Variants in KCNG2 observed in about 807,000 individuals in gnomAD.
The protein encoded by KCNG2 is potassium voltage-gated channel modifier subfamily G member 2.
KCNG2 carries 7 observed loss-of-function variants against 12.3 expected under a neutral mutation model. That is an observed-to-expected ratio of 0.57 (90% CI 0.32 to 1.07). The LOEUF (loss-of-function observed/expected upper bound fraction) is 1.07. Ranked by LOEUF, KCNG2 falls within the 50% of genes least tolerant of loss-of-function variation. The pLI is 0.04. For missense variants in KCNG2, 703 were observed against 726.0 expected (o/e 0.97, Z 0.36); for synonymous variants, 414 against 351.4 (o/e 1.18, Z -1.99).
At position 79,861,668 on chromosome 18, in the gene KCNG2, T is replaced by G. The variant is rs182567799; in HGVS notation, c.-40-1960T>G. 1.0e-3 allele frequency among the ~76,000 whole-genome samples: 159 copies of G among 152,016 alleles called. 1 individual carries two copies. The highest frequency in any genetic ancestry group is 3.6e-3 in the African/African-American group (151 of 41,420). On this transcript the variant is annotated intron_variant, in intron 2 of 3. Transcript: ENST00000316249. ...TGTTGAGTTTCTTAGATGTGTAGATTAATGTTTTTCATCGAATTTGGAGGG... is the reference window on the plus strand; with the variant it reads ...TGTTGAGTTTCTTAGATGTGTAGATGAATGTTTTTCATCGAATTTGGAGGG...
At chr18:79,867,482 G>A (rs1384343942) in intron 3 of KCNG2, among the ~76,000 whole-genome samples, 1 of 68,958 alleles carries the variant, frequency 1.5e-5, no homozygotes, top group Non-Finnish European at 3.6e-5. Flanking sequence ...CCGGCGTTGT[G>A]TCGTGTCTGG....
At chr18:79,827,763 C>T (rs1216587227) in intron 1 of KCNG2, among the ~76,000 whole-genome samples, 2 of 152,208 alleles carry the variant, frequency 1.3e-5, no homozygotes, top group Non-Finnish European at 2.9e-5. Context: ...GGACCCAAGT[C>T]TCTCCATGTG....
chr18:79,880,448 T>C (rs138979058), intron 3 of KCNG2, among the ~76,000 whole-genome samples: 119 of 152,150 alleles, frequency 7.8e-4, no homozygotes, highest in African/African-American at 2.7e-3. Flanking sequence ...TTAAAAAAAT[T>C]AAATTCATAG....
In KCNG2 at chr18:79,851,327, C is replaced by T. The variant is rs574122968; in HGVS notation, c.-114-5052C>T. On this transcript the variant is annotated intron_variant, in intron 1 of 3. Coordinates refer to ENST00000316249, the MANE Select transcript of KCNG2 (RefSeq NM_012283.2). Reference sequence around the variant, plus strand: ...AAGATATCGGGATATCAGGACACTCCTAAGTCTGGGTCTGTTTAGTAAACG... The same window carrying T: ...AAGATATCGGGATATCAGGACACTCTTAAGTCTGGGTCTGTTTAGTAAACG... Among the ~76,000 whole-genome samples the T allele has an allele frequency of 2.6e-5, 4 of 152,262 alleles. No homozygotes were observed. The East Asian group carries it at 7.7e-4, about 29-fold the overall frequency.
intron 3 of KCNG2, among the ~76,000 whole-genome samples, chr18:79,888,335 C>G (rs961510640): frequency 3.3e-5 from 5 of 151,528 alleles, no homozygotes; most frequent in African/African-American, 1.2e-4. Flanking sequence ...GGGGCTGGGT[C>G]GGCCCTGAGG....
Position 79,803,620 on chromosome 18 carries a change from G to C in KCNG2, c.-115+5606G>C, listed in dbSNP as rs933467556. ...TCCCTGAGAACCTGCAGGGCTGGCC[G>C]TGATTCTCACCACTTGTGGTCCAAG... On this transcript the variant is annotated intron_variant, in intron 1 of 3. Transcript: ENST00000316249. This position sits in a 1 kb window ranked among gnomAD's most constrained non-coding sequence, Gnocchi z 4.5. 1.3e-5 allele frequency among the ~76,000 whole-genome samples: 2 copies of C among 152,178 alleles called. No homozygotes were observed. Among genetic ancestry groups the C allele is most frequent in the Admixed American group, 1.3e-4 (2 of 15,286 alleles).
At chr18:79,869,848 A>C (rs1427039065) in intron 3 of KCNG2, among the ~76,000 whole-genome samples, 3 of 152,190 alleles carry the variant, frequency 2.0e-5, no homozygotes, top group Admixed American at 2.0e-4. Flanking sequence ...AGAGGTCACC[A>C]GTGGTCACGA....
chr18:79,870,824 G>A (rs1370753242), intron 3 of KCNG2, among the ~76,000 whole-genome samples: 3 of 152,190 alleles, frequency 2.0e-5, no homozygotes, highest in Non-Finnish European at 4.4e-5. Context: ...TCTGCACGTG[G>A]GCAGACGTCA....
intron 3 of KCNG2, among the ~76,000 whole-genome samples, chr18:79,887,352 T>C (rs1463988629): frequency 6.6e-6 from 1 of 152,030 alleles, no homozygotes; most frequent in Non-Finnish European, 1.5e-5. Context: ...CGGGACTGTT[T>C]CCAGGACACA....
chr18:79,840,126 G>C (rs1407728321), intron 1 of KCNG2, among the ~76,000 whole-genome samples: 1 of 152,168 alleles, frequency 6.6e-6, no homozygotes, highest in South Asian at 2.1e-4. Flanking sequence ...ACTGCAGTGG[G>C]TAATAAAATG....
rs147153358 is a variant in KCNG2, at chr18:79,897,575, G to T, written c.625-1465G>T. ...GGTCACTCTCACAGCAGTTTTTGTT[G>T]CTTTCTTCCTAATGTATGAGTCATA... is the stretch of plus-strand genomic sequence containing the variant. On this transcript the variant is annotated intron_variant, in intron 3 of 3. Coordinates refer to ENST00000316249, the MANE Select transcript of KCNG2 (RefSeq NM_012283.2). Among the ~76,000 whole-genome samples the T allele has an allele frequency of 1.5e-3, 233 of 152,196 alleles. 1 individual carries two copies. Among genetic ancestry groups the T allele is most frequent in the African/African-American group, 5.2e-3 (217 of 41,536 alleles).
rs182290205 is a variant in KCNG2 at position 79,800,786 on chromosome 18, T to C, written c.-115+2772T>C. Reference sequence around the variant, plus strand: ...CCGCAGGCTCTGCTCACCCACCGGCTGGTTTGTAGGGACAGGTCTGCTTGG... The same window carrying C: ...CCGCAGGCTCTGCTCACCCACCGGCCGGTTTGTAGGGACAGGTCTGCTTGG... On this transcript the variant is annotated intron_variant, in intron 1 of 3. Coordinates refer to ENST00000316249, the MANE Select transcript of KCNG2 (RefSeq NM_012283.2). This position sits in a 1 kb window ranked among gnomAD's most constrained non-coding sequence, Gnocchi z 4.0. Among the ~76,000 whole-genome samples, 5 of 152,276 alleles carry C rather than the reference T, an allele frequency of 3.3e-5. No individual in the cohort carries two copies. In the East Asian group the frequency reaches 9.7e-4, roughly 29 times the overall value.
At chr18:79,880,027 C>T (rs970529474) in intron 3 of KCNG2, among the ~76,000 whole-genome samples, 5 of 152,126 alleles carry the variant, frequency 3.3e-5, no homozygotes, top group African/African-American at 1.2e-4. Context: ...TGAGCATGTT[C>T]ACATTTTCTT....
At chr18:79,807,606 G>A (rs969539397) in intron 1 of KCNG2, among the ~76,000 whole-genome samples, 4 of 152,118 alleles carry the variant, frequency 2.6e-5, no homozygotes, top group Non-Finnish European at 4.4e-5. Flanking sequence ...ATGCTCTCAC[G>A]CCTGGGCCAG....
Position 79,845,597 on chromosome 18 carries a change from G to A in KCNG2, c.-114-10782G>A, listed in dbSNP as rs182991019. ...TATGTGTATTATAGACTTGGAGATTGTGTCCCATAAATCATAATTGAAAAA... is the reference window on the plus strand; with the variant it reads ...TATGTGTATTATAGACTTGGAGATTATGTCCCATAAATCATAATTGAAAAA... On this transcript the variant is annotated intron_variant, in intron 1 of 3. Coordinates refer to ENST00000316249, the MANE Select transcript of KCNG2 (RefSeq NM_012283.2). Among the ~76,000 whole-genome samples the A allele has an allele frequency of 7.9e-5, 12 of 152,304 alleles. No individual in the cohort carries two copies. The South Asian group carries it at 1.5e-3, about 18-fold the overall frequency.
chr18:79,894,413 A>G (rs62103243), intron 3 of KCNG2, among the ~76,000 whole-genome samples: 3 of 118,526 alleles, frequency 2.5e-5, no homozygotes, highest in Admixed American at 8.5e-5. Flanking sequence ...TGTTCATGCC[A>G]TTAATTACGA....
intron 1 of KCNG2, among the ~76,000 whole-genome samples, chr18:79,837,804 C>G (rs1978348586): frequency 6.6e-6 from 1 of 152,208 alleles, no homozygotes; most frequent in Non-Finnish European, 1.5e-5. Context: ...AACCTCTGCC[C>G]TTTACCCAGT....
At chr18:79,815,560 GTCAGTGAAGGAACCACCGC>G (rs1166309809) in intron 1 of KCNG2, among the ~76,000 whole-genome samples, 3 of 152,136 alleles carry the variant, frequency 2.0e-5, no homozygotes, top group East Asian at 3.8e-4. Context: ...GATTCCTGAG[GTCAGTGAAGGAACCACCGC>G]TCAGCAAAGA....
intron 3 of KCNG2, among the ~76,000 whole-genome samples, chr18:79,865,527 C>G (rs1599406584): frequency 3.3e-5 from 2 of 61,296 alleles, no homozygotes. Flanking sequence ...GTGCTGAGGT[C>G]TGTGTGCTGA....
Sources: gnomAD v4.1 joint callset for allele counts (sites outside exome capture counted in the v4.1 genomes callset) on GRCh38, gnomAD v4.1.1 for gene constraint, Gnocchi (gnomAD v3.1) non-coding constraint, MANE v1.5 for transcripts, NCBI Gene and HGNC (gene_info 2026-07-23, HGNC 2026-07-21) for gene names.